Variants in LAMB4 observed in about 807,000 individuals in gnomAD.
LAMB4 encodes laminin subunit beta-4.
LAMB4 carries 196 observed loss-of-function variants against 199.2 expected under a neutral mutation model. That is an observed-to-expected ratio of 0.98 (90% confidence interval 0.88 to 1.11). The LOEUF (loss-of-function observed/expected upper bound fraction) is 1.11, where lower values mean the gene tolerates loss of function less well. LAMB4 is among the 50% of genes least tolerant of loss of function. The pLI, the probability that LAMB4 is intolerant of heterozygous loss-of-function variation, is 0.00. For missense variants in LAMB4, 2,080 were observed against 2,171.2 expected (o/e 0.96, Z 0.83); for synonymous variants, 744 against 770.6 (o/e 0.97, Z 0.57).
intron 1 of LAMB4, among the ~76,000 whole-genome samples, chr7:108,127,965 TGTTTAGA>T (rs749235370): frequency 1.3e-5 from 2 of 152,190 alleles, no homozygotes; most frequent in Non-Finnish European, 2.9e-5. Context: ...AAGGAATGTG[TGTTTAGA>T]GTTCCAAGCT....
At chr7:108,096,939 CAAAAAAAAAAAAAA>C (rs746917278) in intron 11 of LAMB4, among the ~76,000 whole-genome samples, 722 of 52,910 alleles carry the variant, frequency 0.014, 15 homozygotes, top group African/African-American at 0.053. Flanking sequence ...CTGTCTCTCT[CAAAAAAAAAAAAAA>C]AAAAAAAAAA....
intron 14 of LAMB4, 118 bp downstream of exon 14, chr7:108,091,508 T>G (rs549822794): frequency 8.5e-7 from 1 of 1,172,628 alleles, no homozygotes; most frequent in African/African-American, 1.5e-5. Context: ...CTGATCTGCA[T>G]CTTTGGGCAA....
chr7:108,029,016 TG>T, intron 33 of LAMB4, 26 bp downstream of exon 33: 1 of 1,598,110 alleles, frequency 6.3e-7, no homozygotes, highest in South Asian at 1.1e-5. Flanking sequence ...ATTATCAAAT[TG>T]GCAGGATGGA....
At chr7:108,045,608 TAA>T (rs2035591746) in intron 28 of LAMB4, among the ~76,000 whole-genome samples, 1 of 152,242 alleles carries the variant, frequency 6.6e-6, no homozygotes, top group African/African-American at 2.4e-5. Flanking sequence ...AGGACTCCTT[TAA>T]ATGTGGGTGA....
At chr7:108,100,726 C>G (rs1027536873) in intron 10 of LAMB4, among the ~76,000 whole-genome samples, 2 of 152,142 alleles carry the variant, frequency 1.3e-5, no homozygotes, top group Non-Finnish European at 2.9e-5. Flanking sequence ...TTCCCTGATT[C>G]TACCCAAGAG....
At chr7:108,104,761 A>T (rs1430352670) in intron 8 of LAMB4, 142 bp from the exon 9 acceptor site, 2 of 851,352 alleles carry the variant, frequency 2.3e-6, no homozygotes, top group Non-Finnish European at 1.7e-6. Flanking sequence ...ACCAACCTTG[A>T]TTATCTTCTA....
At position 108,105,949 on chromosome 7, in the gene LAMB4, A is replaced by C; in HGVS notation, c.738T>G (p.Asn246Lys). Residue 246 changes from asparagine (N) to lysine (K), a missense_variant, in exon 8 of 34, where the codon AAT becomes AAG. By Grantham distance (94) the Asn-to-Lys change is moderately conservative. Coordinates refer to ENST00000388781, the MANE Select transcript of LAMB4 (RefSeq NM_007356.3). The part of the protein sequence containing the change: ...LGDALLGRRQ[N>K]DSLDKYYYAL... ...CATAGTAGTATTTATCAAGGGAATC[A>C]TTTTGCCTCCTTCCAAGCAAAGCAT... 6.2e-7 allele frequency: 1 copy of C among 1,614,230 alleles called. No homozygotes were observed.
chr7:108,085,811 C>T (rs1466209954), intron 14 of LAMB4, among the ~76,000 whole-genome samples: 1 of 152,120 alleles, frequency 6.6e-6, no homozygotes, highest in African/African-American at 2.4e-5. Context: ...GACGGGGTTT[C>T]ACCTTGTTAG....
rs201217649 is a variant in LAMB4, at chr7:108,037,509, C to G, written c.4558G>C (p.Asp1520His). 1.1e-5 allele frequency: 17 copies of G among 1,613,950 alleles called. No individual in the cohort carries two copies. The highest frequency in any genetic ancestry group is 3.3e-4 in the Middle Eastern group (2 of 6,084). The part of the protein sequence containing the change: ...HLPIPSQNLT[D>H]ELVKIQKHMQ... Reference sequence around the variant, plus strand: ...TGTTTCTGTATTTTGACAAGTTCATCGGTTAGATTTTGGGATGGAATTGGT... The same window carrying G: ...TGTTTCTGTATTTTGACAAGTTCATGGGTTAGATTTTGGGATGGAATTGGT... Residue 1520 changes from aspartate to histidine, a missense_variant, in exon 30 of 34, where the codon GAT becomes CAT. Transcript: ENST00000388781.
rs528370223 is a variant in LAMB4 at position 108,057,339 on chromosome 7, A to G, written c.3379+493T>C. Among the ~76,000 whole-genome samples, 49 of 152,344 alleles carry G rather than the reference A, an allele frequency of 3.2e-4. 1 individual carries two copies. Among genetic ancestry groups the G allele is most frequent in the African/African-American group, 1.2e-3 (48 of 41,576 alleles). Reference sequence around the variant, plus strand: ...AAAGTTTCACCCTGGGTTTTAACCCAGCAATTCCACTTAGAAAACTGAATA... The same window carrying G: ...AAAGTTTCACCCTGGGTTTTAACCCGGCAATTCCACTTAGAAAACTGAATA... On this transcript the variant is annotated intron_variant, in intron 24 of 33. Transcript: ENST00000388781.
At chr7:108,024,415 AG>A (rs1250411788) in intron 33 of LAMB4, among the ~76,000 whole-genome samples, 1 of 152,230 alleles carries the variant, frequency 6.6e-6, no homozygotes, top group Admixed American at 6.5e-5. Flanking sequence ...TATCAATGTG[AG>A]GCTATAGTTG....
At chr7:108,106,782 G>T (rs962164204) in intron 6 of LAMB4, among the ~76,000 whole-genome samples, 1 of 151,918 alleles carries the variant, frequency 6.6e-6, no homozygotes, top group African/African-American at 2.4e-5. Flanking sequence ...GCCCAGGCTG[G>T]TCTCGAACTC....
chr7:108,107,081 G>A (rs1474805721), intron 6 of LAMB4, among the ~76,000 whole-genome samples: 1 of 152,164 alleles, frequency 6.6e-6, no homozygotes, highest in Non-Finnish European at 1.5e-5. Flanking sequence ...CTTATGCTGG[G>A]TTGGGATGGA....
intron 17 of LAMB4, among the ~76,000 whole-genome samples, chr7:108,073,458 A>T (rs1456378679): frequency 6.6e-6 from 1 of 152,246 alleles, no homozygotes; most frequent in African/African-American, 2.4e-5. Context: ...CTCTAAACAC[A>T]GTTTTATAAA....
intron 5 of LAMB4, among the ~76,000 whole-genome samples, chr7:108,108,683 A>T (rs908890616): frequency 4.0e-5 from 6 of 151,400 alleles, no homozygotes; most frequent in African/African-American, 1.5e-4. Flanking sequence ...TAAATTTCAT[A>T]TTCATTTTTT....
chr7:108,081,830 G>A (rs2036954728), intron 14 of LAMB4, among the ~76,000 whole-genome samples: 1 of 152,186 alleles, frequency 6.6e-6, no homozygotes, highest in Admixed American at 6.5e-5. Context: ...ATCCTTTGAT[G>A]TTCCAGTAAG....
At chr7:108,063,479 GA>G (rs2036234886) in intron 22 of LAMB4, among the ~76,000 whole-genome samples, 1 of 152,128 alleles carries the variant, frequency 6.6e-6, no homozygotes, top group Admixed American at 6.5e-5. Context: ...TAAACTCTGA[GA>G]AACAACGCTT....
intron 14 of LAMB4, among the ~76,000 whole-genome samples, chr7:108,081,792 G>A (rs2036952766): frequency 6.6e-6 from 1 of 152,170 alleles, no homozygotes. Flanking sequence ...CAGTATTTCT[G>A]GCACTGAAAG....
intron 14 of LAMB4, among the ~76,000 whole-genome samples, chr7:108,085,803 C>T (rs186610223): frequency 1.4e-4 from 21 of 152,128 alleles, no homozygotes; most frequent in African/African-American, 4.8e-4. Flanking sequence ...TTAATAGAGA[C>T]GGGGTTTCAC....
Sources: allele counts gnomAD v4.1 joint callset (sites outside exome capture counted in the v4.1 genomes callset), GRCh38; gene constraint gnomAD v4.1.1; transcripts MANE v1.5; gene names NCBI Gene and HGNC (gene_info 2026-07-23, HGNC 2026-07-21).